The following JMJD1C variants were observed in gnomAD, a reference collection of about 807,000 sequenced individuals.
JMJD1C encodes jumonji domain containing 1C.
A neutral mutation model predicts 245.3 loss-of-function variants in JMJD1C; 31 were observed. That is an observed-to-expected ratio of 0.13 (90% CI 0.09 to 0.17). The LOEUF is 0.17. Ranked by LOEUF, JMJD1C falls within the 10% of genes least tolerant of loss-of-function variation. The pLI is 1.00. For synonymous variants in JMJD1C, 1,057 were observed against 1,017.4 expected (o/e 1.04, Z -0.74); for missense variants, 2,691 against 3,000.2 (o/e 0.90, Z 2.41).
rs571893917 is a variant in JMJD1C at position 63,456,269 on chromosome 10, CA to C, written c.168+9225del. ...TAAAATAGGCTCTACATAGTTTTAT[CA>C]ATGTGATTTTAAAGAAGAAAAAGAA... On this transcript the variant is annotated intron_variant, in intron 1 of 25. Coordinates refer to ENST00000399262, the MANE Select transcript of JMJD1C (RefSeq NM_032776.3). Among the ~76,000 whole-genome samples, 916 of 152,104 alleles carry C rather than the reference CA, an allele frequency of 6.0e-3. 3 individuals carry two copies. The highest frequency in any genetic ancestry group is 0.011 in the Admixed American group (164 of 15,276).
At position 63,276,884 on chromosome 10, in the gene JMJD1C, CTTTT is replaced by C. The variant is rs760452367; in HGVS notation, c.334-12124_334-12121del. ...CTATGGAAGGAATAGAAGCTTGGGG[CTTTT>C]TTTTTTTTTTTTTTGAGAGAGAGTC... On this transcript the variant is annotated intron_variant, in intron 2 of 25. Coordinates refer to ENST00000399262, the MANE Select transcript of JMJD1C (RefSeq NM_032776.3). Among the ~76,000 whole-genome samples the C allele has an allele frequency of 1.8e-4, 17 of 96,278 alleles. 2 individuals carry two copies. Among genetic ancestry groups the C allele is most frequent in the African/African-American group, 6.9e-4 (16 of 23,356 alleles). 63.2% of individuals were successfully genotyped at this position (96,278 alleles called of 152,430 possible). A position where few individuals can be genotyped will look rare whatever the true frequency, so the allele number is the denominator to read the frequency against.
At chr10:63,273,858 A>G (rs756115453) in intron 2 of JMJD1C, among the ~76,000 whole-genome samples, 54 of 152,190 alleles carry the variant, frequency 3.5e-4, no homozygotes, top group Non-Finnish European at 5.9e-4. Flanking sequence ...CTGCCTACCC[A>G]AAGAAAATCT....
intron 1 of JMJD1C, chr10:63,382,653 T>A (rs1238661639): frequency 2.7e-6 from 1 of 364,580 alleles, no homozygotes; most frequent in Non-Finnish European, 5.5e-6. Context: ...ATGTTATAAT[T>A]TGGAAAACTG....
chr10:63,245,435 T>C (rs1326534353), intron 3 of JMJD1C, among the ~76,000 whole-genome samples: 1 of 147,750 alleles, frequency 6.8e-6, no homozygotes, highest in Non-Finnish European at 1.5e-5. Flanking sequence ...ATGTTTCACA[T>C]GGATAGCAGC....
intron 1 of JMJD1C, among the ~76,000 whole-genome samples, chr10:63,414,019 C>T (rs1949651673): frequency 7.0e-6 from 1 of 141,866 alleles, no homozygotes; most frequent in African/African-American, 2.8e-5. Flanking sequence ...CGGAGTCTTG[C>T]ACTGTCGACC....
Position 63,333,418 on chromosome 10 carries a change from T to C in JMJD1C, c.333+46900A>G, listed in dbSNP as rs775022242. Among the ~76,000 whole-genome samples, 5 of 152,102 alleles carry C rather than the reference T, an allele frequency of 3.3e-5. 2 individuals are homozygous for C. Among genetic ancestry groups the C allele is most frequent in the Admixed American group, 3.3e-4 (5 of 15,268 alleles). ...AAAAATAAGAAAAATTAGCCAGCCA[T>C]GGTGGCTGTGGTCCCAATGACTTAG... On this transcript the variant is annotated intron_variant, in intron 2 of 25. Transcript: ENST00000399262.
chr10:63,476,504 G>C (rs1953666135), intron 1 of JMJD1C, among the ~76,000 whole-genome samples: 1 of 151,842 alleles, frequency 6.6e-6, no homozygotes, highest in Non-Finnish European at 1.5e-5. Flanking sequence ...AAGAGGATCA[G>C]CTGAGGCCAA....
intron 1 of JMJD1C, among the ~76,000 whole-genome samples, chr10:63,459,345 T>C (rs1248333975): frequency 6.6e-6 from 1 of 152,198 alleles, no homozygotes; most frequent in East Asian, 1.9e-4. Flanking sequence ...TGACCAACAC[T>C]GACAGAGTAT....
At position 63,207,895 on chromosome 10, in the gene JMJD1C, T is replaced by C; in HGVS notation, c.3774A>G (p.Lys1258=). ...QKPPTLIPEP[K]DSQANFKSSS... The stretch of plus-strand genomic sequence containing the variant: ...AACTCTTAAAATTTGCCTGGGAGTC[T>C]TTTGGTTCGGGTATTAGAGTTGGAG... Residue 1258 remains lysine, a synonymous_variant, in exon 10 of 26, where the codon AAA becomes AAG. Coordinates refer to ENST00000399262, the MANE Select transcript of JMJD1C (RefSeq NM_032776.3). The C allele has an allele frequency of 6.2e-7, 1 of 1,614,138 alleles. No homozygotes were observed.
intron 1 of JMJD1C, among the ~76,000 whole-genome samples, chr10:63,428,710 C>CAATA (rs1209663616): frequency 6.6e-6 from 1 of 151,922 alleles, no homozygotes; most frequent in African/African-American, 2.4e-5. Flanking sequence ...AGAGAAAAAA[C>CAATA]AATAAGGGCA....
intron 1 of JMJD1C, among the ~76,000 whole-genome samples, chr10:63,439,660 C>T (rs1227150897): frequency 1.3e-5 from 2 of 151,948 alleles, no homozygotes; most frequent in African/African-American, 4.8e-5. Flanking sequence ...CATAGTTATC[C>T]TTAACAAAAG....
At chr10:63,209,426 T>G (rs1847058602) in intron 8 of JMJD1C, among the ~76,000 whole-genome samples, 191 bp from the exon 9 acceptor site, 1 of 152,126 alleles carries the variant, frequency 6.6e-6, no homozygotes, top group South Asian at 2.1e-4. Context: ...ATAACATAAT[T>G]AAACAGATTT....
chr10:63,216,819 G>A (rs1425762539), intron 5 of JMJD1C, among the ~76,000 whole-genome samples: 2 of 152,186 alleles, frequency 1.3e-5, no homozygotes, highest in South Asian at 4.2e-4. Flanking sequence ...GATGTGAGAA[G>A]AAATGTACTG....
intron 1 of JMJD1C, among the ~76,000 whole-genome samples, chr10:63,444,066 A>G (rs1951547700): frequency 6.6e-6 from 1 of 152,228 alleles, no homozygotes; most frequent in Non-Finnish European, 1.5e-5. Flanking sequence ...GACCACATAC[A>G]TAATCAATAC....
chr10:63,274,979 G>A (rs1856644978), intron 2 of JMJD1C, among the ~76,000 whole-genome samples: 1 of 152,060 alleles, frequency 6.6e-6, no homozygotes, highest in African/African-American at 2.4e-5. Flanking sequence ...AGGATGGCTT[G>A]AGCCCAGGGA....
At chr10:63,199,709 G>C (rs944353753) in intron 11 of JMJD1C, among the ~76,000 whole-genome samples, 2 of 151,912 alleles carry the variant, frequency 1.3e-5, no homozygotes, top group African/African-American at 4.8e-5. Flanking sequence ...TGTCTTTTAG[G>C]GATTGTTGGC....
intron 1 of JMJD1C, among the ~76,000 whole-genome samples, chr10:63,488,962 G>A (rs149915819): frequency 6.7e-4 from 102 of 152,224 alleles, no homozygotes; most frequent in African/African-American, 2.3e-3. Flanking sequence ...TAGGACGATG[G>A]TCCCATAAGA....
At chr10:63,197,342 A>T (rs1845570771) in intron 13 of JMJD1C, 69 bp downstream of exon 13, 1 of 1,293,168 alleles carries the variant, frequency 7.7e-7, no homozygotes, top group Non-Finnish European at 1.1e-6. Context: ...AACACATCTC[A>T]TGTTCTAGAA....
At chr10:63,172,581 A>G (rs755605832) in intron 24 of JMJD1C, among the ~76,000 whole-genome samples, 2 of 152,122 alleles carry the variant, frequency 1.3e-5, no homozygotes, top group Non-Finnish European at 2.9e-5. Flanking sequence ...AGTGGGGGTT[A>G]AAAGACAAGC....
Sources: gnomAD v4.1 joint callset for allele counts (sites outside exome capture counted in the v4.1 genomes callset) on GRCh38, gnomAD v4.1.1 for gene constraint, MANE v1.5 for transcripts, NCBI Gene and HGNC (gene_info 2026-07-23, HGNC 2026-07-21) for gene names.